Variants in CAMTA1 observed in about 807,000 individuals in gnomAD.
CAMTA1 encodes the protein calmodulin binding transcription activator 1.
A neutral mutation model predicts 170.9 loss-of-function variants in CAMTA1; 27 were observed. The ratio of observed to expected loss-of-function variants is 0.16; its 90% CI spans 0.12 to 0.22. The LOEUF is 0.22. Among genes scored for constraint, CAMTA1 ranks in the 10% least tolerant of loss-of-function variants. CAMTA1 has a pLI of 1.00. For missense variants in CAMTA1, 1,619 were observed against 2,217.2 expected (o/e 0.73, Z 5.42); for synonymous variants, 833 against 891.5 (o/e 0.93, Z 1.17).
intron 3 of CAMTA1, among the ~76,000 whole-genome samples, chr1:6,869,716 C>CA (rs1667835264): frequency 6.6e-6 from 1 of 152,124 alleles, no homozygotes; most frequent in African/African-American, 2.4e-5. Flanking sequence ...GGCACCATTT[C>CA]ATTTGGAGCC....
rs929554639 is a variant in CAMTA1 at position 7,184,668 on chromosome 1, G to C, written c.303-64823G>C. Among the ~76,000 whole-genome samples, 5 of 152,120 alleles carry C rather than the reference G, an allele frequency of 3.3e-5. No individual in the cohort carries two copies. The East Asian group carries it at 9.6e-4, about 29-fold the overall frequency. ...CCAGGGTTGAAAGGATGGGAGGATGGGAAGGAGACAGGAGACAGAAAGTTA... is the reference window on the plus strand; with the variant it reads ...CCAGGGTTGAAAGGATGGGAGGATGCGAAGGAGACAGGAGACAGAAAGTTA... On this transcript the variant is annotated intron_variant, in intron 4 of 22. Transcript: ENST00000303635.
intron 7 of CAMTA1, among the ~76,000 whole-genome samples, chr1:7,652,303 T>A (rs1464437595): frequency 6.6e-6 from 1 of 152,156 alleles, no homozygotes; most frequent in East Asian, 1.9e-4. Flanking sequence ...CCAGGTTTTC[T>A]TCCCCCTTCC....
intron 4 of CAMTA1, among the ~76,000 whole-genome samples, chr1:7,175,528 T>G (rs1227437396): frequency 6.6e-6 from 1 of 152,254 alleles, no homozygotes; most frequent in Non-Finnish European, 1.5e-5. Flanking sequence ...TATTAAGCCA[T>G]AAGCAGAATT....
intron 6 of CAMTA1, among the ~76,000 whole-genome samples, chr1:7,622,368 T>A (rs1420491423): frequency 1.3e-5 from 2 of 152,254 alleles, no homozygotes; most frequent in Non-Finnish European, 2.9e-5. Flanking sequence ...GATGTGTGAT[T>A]CCACTCCACA....
intron 3 of CAMTA1, among the ~76,000 whole-genome samples, chr1:6,989,013 C>T (rs1695873818): frequency 6.6e-6 from 1 of 152,164 alleles, no homozygotes; most frequent in South Asian, 2.1e-4. Flanking sequence ...CAGAAGAGTT[C>T]CACTAGGCCA....
chr1:7,671,119 C>T (rs2096056826), intron 10 of CAMTA1, 82 bp downstream of exon 10: 1 of 1,491,820 alleles, frequency 6.7e-7, no homozygotes, highest in African/African-American at 1.4e-5. Context: ...TTGGGGTGAC[C>T]TTGAGCAGGT....
chr1:7,412,560 T>G (rs1213550504), intron 5 of CAMTA1, among the ~76,000 whole-genome samples: 1 of 152,248 alleles, frequency 6.6e-6, no homozygotes, highest in Non-Finnish European at 1.5e-5. Context: ...ATATCTTCTT[T>G]TGAGAAGTGT....
intron 5 of CAMTA1, among the ~76,000 whole-genome samples, chr1:7,302,970 T>C (rs1675010242): frequency 6.6e-6 from 1 of 152,176 alleles, no homozygotes; most frequent in South Asian, 2.1e-4. Context: ...ACCCAGGTGC[T>C]GTGGGAGGCT....
At chr1:6,880,073 A>T (rs187097811) in intron 3 of CAMTA1, among the ~76,000 whole-genome samples, 2,212 of 150,778 alleles carry the variant, frequency 0.015, 47 homozygotes, top group African/African-American at 0.05. Flanking sequence ...GTTTTTTTTT[A>T]AATTTTATTT....
At position 7,249,674 on chromosome 1, in the gene CAMTA1, C is replaced by T; in HGVS notation, c.438+48C>T. The T allele has an allele frequency of 1.2e-6, 2 of 1,600,614 alleles. No individual in the cohort carries two copies. Among genetic ancestry groups the T allele is most frequent in the Non-Finnish European group, 1.7e-6 (2 of 1,172,224 alleles). ...TTGGTGCACAAATGTCATTTGCAGG[C>T]TGCAGTGGAGAATGGAATTGCTTGG... On this transcript the variant is annotated intron_variant, in intron 5 of 22. Coordinates refer to ENST00000303635, the MANE Select transcript of CAMTA1 (RefSeq NM_015215.4). The surrounding 1 kb of genome is among the most constrained non-coding windows in gnomAD (Gnocchi z 4.4).
chr1:6,843,981 A>G (rs1337374381), intron 3 of CAMTA1, among the ~76,000 whole-genome samples: 2 of 152,200 alleles, frequency 1.3e-5, no homozygotes, highest in Non-Finnish European at 2.9e-5. Flanking sequence ...AGAATTATCT[A>G]TGAGAGTGGA....
At chr1:7,614,973 C>A (rs1206265725) in intron 6 of CAMTA1, among the ~76,000 whole-genome samples, 1 of 152,272 alleles carries the variant, frequency 6.6e-6, no homozygotes, top group Admixed American at 6.5e-5. Flanking sequence ...TTCCCAACCG[C>A]TGCTTCTTCC....
At chr1:7,509,800 C>T (rs2094175202) in intron 6 of CAMTA1, among the ~76,000 whole-genome samples, 1 of 152,068 alleles carries the variant, frequency 6.6e-6, no homozygotes, top group Non-Finnish European at 1.5e-5. Flanking sequence ...GGCTTTGCCT[C>T]CTGGTGTGAG....
At chr1:7,342,922 A>G (rs1336713671) in intron 5 of CAMTA1, among the ~76,000 whole-genome samples, 1 of 152,168 alleles carries the variant, frequency 6.6e-6, no homozygotes, top group East Asian at 1.9e-4. Context: ...TCAATCAGAC[A>G]CGGAACTCCT....
intron 6 of CAMTA1, among the ~76,000 whole-genome samples, chr1:7,606,348 A>G (rs2095486504): frequency 6.6e-6 from 1 of 152,112 alleles, no homozygotes; most frequent in Non-Finnish European, 1.5e-5. Context: ...TTCATTTAAG[A>G]TGGCACTTGT....
At position 7,680,291 on chromosome 1, in the gene CAMTA1, C is replaced by G. The variant is rs999513393; in HGVS notation, c.2914+2558C>G. 6.5e-5 allele frequency: 13 copies of G among 199,638 alleles called. 1 individual carries two copies. In the South Asian group the frequency reaches 6.5e-4, roughly 10 times the overall value. 12.4% of individuals were successfully genotyped at this position (199,638 alleles called of 1,614,324 possible). ...CGCAGCTTCTCGGCTCAGCCCCTCC[C>G]GTCCCCGCGGGCGCTGGGCCGATTC... On this transcript the variant is annotated intron_variant, in intron 11 of 22. Coordinates refer to ENST00000303635, the MANE Select transcript of CAMTA1 (RefSeq NM_015215.4). This position sits in a 1 kb window ranked among gnomAD's most constrained non-coding sequence, Gnocchi z 4.4.
intron 5 of CAMTA1, among the ~76,000 whole-genome samples, chr1:7,270,276 T>C (rs199911589): frequency 0.014 from 734 of 51,386 alleles, 3 homozygotes; most frequent in East Asian, 0.034. Context: ...CACACACACA[T>C]ATATATATAT....
Position 7,565,613 on chromosome 1 carries a change from G to A in CAMTA1, c.511-74787G>A, listed in dbSNP as rs1018285150. Reference sequence around the variant, plus strand: ...GGCCTACCTGACTGAGACCCCAGGAGAGCCAGGTCCTGCTCCTTTGGGGAG... The same window carrying A: ...GGCCTACCTGACTGAGACCCCAGGAAAGCCAGGTCCTGCTCCTTTGGGGAG... On this transcript the variant is annotated intron_variant, in intron 6 of 22. Transcript: ENST00000303635. The surrounding 1 kb of genome is among the most constrained non-coding windows in gnomAD (Gnocchi z 4.5). Among the ~76,000 whole-genome samples the A allele has an allele frequency of 4.6e-5, 7 of 152,188 alleles. No homozygotes were observed. The highest frequency in any genetic ancestry group is 8.8e-5 in the Non-Finnish European group (6 of 68,036).
chr1:6,843,711 C>G (rs1656800800), intron 3 of CAMTA1, among the ~76,000 whole-genome samples: 1 of 152,188 alleles, frequency 6.6e-6, no homozygotes, highest in Non-Finnish European at 1.5e-5. Context: ...AAGTCCTGAT[C>G]TCAGGTGATC....
Sources: allele counts gnomAD v4.1 joint callset (sites outside exome capture counted in the v4.1 genomes callset), GRCh38; gene constraint gnomAD v4.1.1; non-coding constraint Gnocchi (gnomAD v3.1); transcripts MANE v1.5; gene names NCBI Gene and HGNC (gene_info 2026-07-23, HGNC 2026-07-21).